Variants in WASF1 observed in about 807,000 individuals in gnomAD.
The protein encoded by WASF1 is actin-binding protein WASF1.
Under a neutral mutation model 50.5 loss-of-function variants are expected in WASF1, and 7 were observed. The observed-to-expected ratio is 0.14, with a 90% CI of 0.08 to 0.26. The LOEUF is 0.26. Ranked by LOEUF, WASF1 falls within the 10% of genes least tolerant of loss-of-function variation. The pLI is 1.00. For missense variants in WASF1, 470 were observed against 694.7 expected (o/e 0.68, Z 3.64); for synonymous variants, 205 against 244.0 (o/e 0.84, Z 1.49).
In WASF1 at chr6:110,112,222, T is replaced by C. The variant is rs1052858411; in HGVS notation, c.268+1104A>G. Among the ~76,000 whole-genome samples, 5 of 152,228 alleles carry C rather than the reference T, an allele frequency of 3.3e-5. 1 individual carries two copies. The highest frequency in any genetic ancestry group is 1.3e-4 in the Admixed American group (2 of 15,280). On this transcript the variant is annotated intron_variant, in intron 5 of 10. Coordinates refer to ENST00000392589, the MANE Select transcript of WASF1 (RefSeq NM_003931.3). ...GCATTTATACTAAAAATTAGATCTA[T>C]CATATAATTTGTGTTTATACTATTT... is the stretch of plus-strand genomic sequence containing the variant.
At chr6:110,168,284 T>A (rs1776558334) in intron 2 of WASF1, among the ~76,000 whole-genome samples, 1 of 152,070 alleles carries the variant, frequency 6.6e-6, no homozygotes, top group Admixed American at 6.6e-5. Flanking sequence ...CATCTTTCTG[T>A]ACTTAGTATA....
chr6:110,117,006 A>G (rs1320470540), intron 4 of WASF1, among the ~76,000 whole-genome samples: 1 of 152,122 alleles, frequency 6.6e-6, no homozygotes, highest in East Asian at 1.9e-4. Flanking sequence ...TCTGTAGGTC[A>G]CCAACATCGA....
chr6:110,141,445 AGACT>A (rs1453529375), intron 3 of WASF1, among the ~76,000 whole-genome samples: 1 of 152,158 alleles, frequency 6.6e-6, no homozygotes, highest in African/African-American at 2.4e-5. Context: ...TCTTTTCTGA[AGACT>A]AACTGAATCC....
At chr6:110,124,728 A>C (rs1024046918) in intron 4 of WASF1, among the ~76,000 whole-genome samples, 6 of 152,020 alleles carry the variant, frequency 3.9e-5, no homozygotes, top group African/African-American at 1.4e-4. Flanking sequence ...CCAACATGGC[A>C]AAACCCCATT....
chr6:110,153,157 T>G (rs1385441564), intron 3 of WASF1, among the ~76,000 whole-genome samples: 1 of 152,222 alleles, frequency 6.6e-6, no homozygotes, highest in Non-Finnish European at 1.5e-5. Flanking sequence ...GATATGGTTT[T>G]GTTTTTCTTG....
intron 4 of WASF1, among the ~76,000 whole-genome samples, chr6:110,124,292 A>C (rs1433040643): frequency 1.1e-4 from 12 of 105,338 alleles, no homozygotes; most frequent in African/African-American, 2.1e-4. Flanking sequence ...ATATATATAT[A>C]TATATATATA....
intron 3 of WASF1, among the ~76,000 whole-genome samples, chr6:110,155,333 T>A (rs1776013362): frequency 6.6e-6 from 1 of 152,030 alleles, no homozygotes; most frequent in Admixed American, 6.6e-5. Flanking sequence ...TTGGTTAAAC[T>A]ATTTTGCCAT....
chr6:110,145,526 C>T (rs1237355086), intron 3 of WASF1, among the ~76,000 whole-genome samples: 1 of 152,136 alleles, frequency 6.6e-6, no homozygotes, highest in Non-Finnish European at 1.5e-5. Context: ...GAGGGCATCC[C>T]TGTCTTGTGC....
At chr6:110,124,233 C>CT (rs1774285002) in intron 4 of WASF1, among the ~76,000 whole-genome samples, 2 of 41,264 alleles carry the variant, frequency 4.8e-5, no homozygotes, top group African/African-American at 1.5e-4. Context: ...TCTCCTCTCT[C>CT]TCCTCTCTCT....
intron 3 of WASF1, among the ~76,000 whole-genome samples, chr6:110,127,925 C>A (rs1327765215): frequency 6.6e-6 from 1 of 151,948 alleles, no homozygotes; most frequent in East Asian, 1.9e-4. Context: ...ATTTTATTTT[C>A]TCTGGTTTAT....
At chr6:110,172,369 A>C (rs946582446) in intron 2 of WASF1, among the ~76,000 whole-genome samples, 2 of 152,132 alleles carry the variant, frequency 1.3e-5, no homozygotes, top group African/African-American at 4.8e-5. Flanking sequence ...ATGAAATTGA[A>C]AACAGGAAAT....
chr6:110,112,750 A>G (rs1160508197), intron 5 of WASF1, among the ~76,000 whole-genome samples: 1 of 152,050 alleles, frequency 6.6e-6, no homozygotes, highest in Non-Finnish European at 1.5e-5. Context: ...AAATAAAAAA[A>G]TTAGCCAGGC....
intron 2 of WASF1, among the ~76,000 whole-genome samples, chr6:110,174,437 C>A (rs1291389825): frequency 1.3e-5 from 2 of 152,122 alleles, no homozygotes; most frequent in Non-Finnish European, 2.9e-5. Flanking sequence ...AAGGGGGACC[C>A]ACTAAATGAA....
chr6:110,118,156 A>G (rs1298331040), intron 4 of WASF1, among the ~76,000 whole-genome samples: 1 of 152,050 alleles, frequency 6.6e-6, no homozygotes, highest in Non-Finnish European at 1.5e-5. Context: ...AAAATAAAAC[A>G]TAACAATATT....
At chr6:110,168,182 T>C (rs1336309903) in intron 2 of WASF1, among the ~76,000 whole-genome samples, 2 of 152,106 alleles carry the variant, frequency 1.3e-5, no homozygotes, top group Non-Finnish European at 2.9e-5. Context: ...CGAGTGAATT[T>C]AATTAAAATT....
intron 3 of WASF1, among the ~76,000 whole-genome samples, chr6:110,138,380 C>G (rs530445029): frequency 6.6e-6 from 1 of 152,346 alleles, no homozygotes; most frequent in Non-Finnish European, 1.5e-5. Flanking sequence ...TTCACCTTCT[C>G]TCTTCTCTTC....
intron 3 of WASF1, among the ~76,000 whole-genome samples, chr6:110,159,539 C>T (rs138310766): frequency 7.2e-5 from 11 of 151,988 alleles, no homozygotes; most frequent in South Asian, 2.1e-4. Context: ...TGACACCAGA[C>T]GGTACCTGTT....
intron 3 of WASF1, among the ~76,000 whole-genome samples, chr6:110,141,203 T>C (rs1775218437): frequency 6.6e-6 from 1 of 152,170 alleles, no homozygotes. Context: ...GGTTCCTTGT[T>C]GTCAGGGTAA....
At chr6:110,133,165 C>T (rs1373422795) in intron 3 of WASF1, among the ~76,000 whole-genome samples, 1 of 151,968 alleles carries the variant, frequency 6.6e-6, no homozygotes, top group African/African-American at 2.4e-5. Context: ...GGGCTGGTTC[C>T]ATATTTTTGC....
Sources: allele counts gnomAD v4.1 joint callset (sites outside exome capture counted in the v4.1 genomes callset), GRCh38; gene constraint gnomAD v4.1.1; transcripts MANE v1.5; gene names NCBI Gene and HGNC (gene_info 2026-07-23, HGNC 2026-07-21).